The following TMEM150C variants were observed in gnomAD, a reference collection of about 807,000 sequenced individuals.
TMEM150C encodes transmembrane protein 150C, also known as tentonin 3.
In TMEM150C, 10 loss-of-function variants were observed where a neutral mutation model predicts 29.9. That is an observed-to-expected ratio of 0.33 (90% CI 0.21 to 0.57). The LOEUF (loss-of-function observed/expected upper bound fraction) is 0.57, where lower values mean the gene tolerates loss of function less well. Ranked by LOEUF, TMEM150C falls within the 20% of genes least tolerant of loss-of-function variation. The pLI is 0.88. For synonymous variants in TMEM150C, 101 were observed against 112.5 expected (o/e 0.90, Z 0.64); for missense variants, 251 against 303.6 (o/e 0.83, Z 1.29).
intron 1 of TMEM150C, among the ~76,000 whole-genome samples, chr4:82,528,523 T>C (rs191809890): frequency 1.3e-5 from 2 of 152,172 alleles, no homozygotes; most frequent in African/African-American, 2.4e-5. Context: ...TAAAAATTCA[T>C]TGGAAATTAA....
chr4:82,547,614 T>C (rs1351554880), intron 1 of TMEM150C, among the ~76,000 whole-genome samples: 1 of 150,338 alleles, frequency 6.7e-6, no homozygotes, highest in Non-Finnish European at 1.5e-5. Flanking sequence ...AAAAAAAAGG[T>C]TTAATCACCA....
At chr4:82,513,608 T>C (rs75079192) in intron 1 of TMEM150C, among the ~76,000 whole-genome samples, 14,207 of 151,972 alleles carry the variant, frequency 0.093, 920 homozygotes, top group African/African-American at 0.19. Flanking sequence ...AAAAGCAGAC[T>C]ACATTTCTAT....
intron 7 of TMEM150C, among the ~76,000 whole-genome samples, chr4:82,488,262 A>G (rs1349455619): frequency 2.0e-5 from 3 of 152,174 alleles, no homozygotes; most frequent in Non-Finnish European, 2.9e-5. Context: ...TGCGAATGCC[A>G]TTGTTTCATT....
intron 5 of TMEM150C, among the ~76,000 whole-genome samples, chr4:82,498,320 C>A (rs1560482266): frequency 6.8e-6 from 1 of 146,100 alleles, no homozygotes; most frequent in African/African-American, 2.6e-5. Flanking sequence ...AGACAGAGTC[C>A]CTCTCTGTTG....
rs1723117594 is a variant in TMEM150C at position 82,485,169 on chromosome 4, C to T, written c.*342G>A. On this transcript the variant is annotated 3_prime_UTR_variant, in exon 8 of 8. Transcript: ENST00000449862. Reference sequence around the variant, plus strand: ...GGGAGTTGGCATTACTCCCAAGGAACATTTGGCCTGCCCTACTCGGTAGGG... The same window carrying T: ...GGGAGTTGGCATTACTCCCAAGGAATATTTGGCCTGCCCTACTCGGTAGGG... 3 of 222,296 alleles carry T rather than the reference C, an allele frequency of 1.3e-5. No homozygotes were observed. Among genetic ancestry groups the T allele is most frequent in the Admixed American group, 1.1e-4 (2 of 18,902 alleles). The allele number at this position is 222,296 out of a possible 1,614,324, so 13.8% of individuals were successfully genotyped here.
At chr4:82,536,052 A>G (rs894452101) in intron 1 of TMEM150C, among the ~76,000 whole-genome samples, 13 of 152,164 alleles carry the variant, frequency 8.5e-5, no homozygotes, top group African/African-American at 2.7e-4. Context: ...CTTTAAAGCA[A>G]TCAGTGAGGA....
intron 5 of TMEM150C, among the ~76,000 whole-genome samples, chr4:82,498,033 T>A (rs1257305034): frequency 2.2e-5 from 3 of 133,530 alleles, no homozygotes; most frequent in African/African-American, 8.9e-5. Flanking sequence ...TTTTTTTTTT[T>A]AAACAGAGTC....
chr4:82,555,499 C>A (rs930628970), intron 1 of TMEM150C, among the ~76,000 whole-genome samples: 1 of 152,194 alleles, frequency 6.6e-6, no homozygotes, highest in Admixed American at 6.5e-5. Context: ...CACAGGCTGG[C>A]AGCAGTGAGG....
At chr4:82,550,475 A>G (rs1373878470) in intron 1 of TMEM150C, among the ~76,000 whole-genome samples, 1 of 152,194 alleles carries the variant, frequency 6.6e-6, no homozygotes, top group African/African-American at 2.4e-5. Context: ...AGAGGTCTCA[A>G]TGAAAAAATA....
chr4:82,502,646 G>A, intron 5 of TMEM150C, 81 bp downstream of exon 5: 1 of 1,375,852 alleles, frequency 7.3e-7, no homozygotes, highest in Non-Finnish European at 1.0e-6. Context: ...GCCCCCCATT[G>A]TTTTGACAAG....
chr4:82,513,715 T>G (rs541209951), intron 1 of TMEM150C, among the ~76,000 whole-genome samples: 1 of 152,314 alleles, frequency 6.6e-6, no homozygotes, highest in African/African-American at 2.4e-5. Context: ...GCCAGTGACT[T>G]CTAAACCTCA....
chr4:82,524,850 G>T (rs1431269488), intron 1 of TMEM150C, among the ~76,000 whole-genome samples: 2 of 152,214 alleles, frequency 1.3e-5, no homozygotes, highest in African/African-American at 4.8e-5. Context: ...CATTAAGATG[G>T]TCTGGAAGGA....
intron 1 of TMEM150C, among the ~76,000 whole-genome samples, chr4:82,550,935 G>C (rs112829819): frequency 8.0e-4 from 122 of 152,334 alleles, no homozygotes; most frequent in African/African-American, 2.9e-3. Flanking sequence ...AAGAGTTTGG[G>C]TGAAGGCTTG....
In TMEM150C at chr4:82,489,051, C is replaced by T. The variant is rs190320619; in HGVS notation, c.541+1010G>A. Among the ~76,000 whole-genome samples the T allele has an allele frequency of 1.5e-3, 221 of 150,262 alleles. 1 individual carries two copies. The highest frequency in any genetic ancestry group is 3.4e-3 in the Middle Eastern group (1 of 290). ...TACAGGTGCTCGCCACAACACCCAG[C>T]GGATTTTTAGATTTTTTTTTTTTTT... On this transcript the variant is annotated intron_variant, in intron 7 of 7. Coordinates refer to ENST00000449862, the MANE Select transcript of TMEM150C (RefSeq NM_001080506.3).
At chr4:82,517,940 TAAC>T (rs1363107738) in intron 1 of TMEM150C, among the ~76,000 whole-genome samples, 1 of 152,212 alleles carries the variant, frequency 6.6e-6, no homozygotes, top group East Asian at 1.9e-4. Context: ...TAACATATTC[TAAC>T]AACAACTTGC....
chr4:82,560,572 A>T (rs1243949137), intron 1 of TMEM150C, among the ~76,000 whole-genome samples: 3 of 152,174 alleles, frequency 2.0e-5, no homozygotes, highest in Non-Finnish European at 4.4e-5. Flanking sequence ...ATACAAGAAA[A>T]AGTTTGGGAT....
intron 5 of TMEM150C, among the ~76,000 whole-genome samples, chr4:82,500,466 TAATC>T (rs1255603879): frequency 3.9e-5 from 6 of 152,300 alleles, no homozygotes; most frequent in South Asian, 4.1e-4. Context: ...ACAATAATCT[TAATC>T]AATTTTATGT....
chr4:82,550,101 G>A (rs1481678168), intron 1 of TMEM150C, among the ~76,000 whole-genome samples: 1 of 152,212 alleles, frequency 6.6e-6, no homozygotes, highest in Admixed American at 6.5e-5. Flanking sequence ...TAATCCCCAT[G>A]TGTTGAGGGA....
intron 1 of TMEM150C, among the ~76,000 whole-genome samples, chr4:82,520,445 A>C (rs1578138665): frequency 6.6e-6 from 1 of 152,296 alleles, no homozygotes; most frequent in Non-Finnish European, 1.5e-5. Flanking sequence ...GAAAGCCTTG[A>C]GATCGTCTTA....
Sources: gnomAD v4.1 joint callset for allele counts (sites outside exome capture counted in the v4.1 genomes callset) on GRCh38, gnomAD v4.1.1 for gene constraint, MANE v1.5 for transcripts, NCBI Gene and HGNC (gene_info 2026-07-23, HGNC 2026-07-21) for gene names.